RSRP1: variants seen among roughly 807,000 people sequenced by gnomAD.
RSRP1 encodes arginine and serine rich protein 1, also known as arginine/serine-rich protein 1.
A neutral mutation model predicts 33.0 loss-of-function variants in RSRP1; 37 were observed. The observed-to-expected ratio is 1.12, with a 90% CI of 0.86 to 1.48. RSRP1 has a LOEUF of 1.48. RSRP1 is among the 40% of genes most tolerant of loss of function. The pLI, the probability that RSRP1 is intolerant of heterozygous loss-of-function variation, is 0.00. For missense variants in RSRP1, 402 were observed against 385.3 expected, an observed-to-expected ratio of 1.04 and a Z score of -0.36; for synonymous variants, 167 against 158.7, an observed-to-expected ratio of 1.05 and a Z score of -0.40.
At chr1:25,276,137 G>A (rs1376850142) in intron 1 of RSRP1, among the ~76,000 whole-genome samples, 3 of 131,380 alleles carry the variant, frequency 2.3e-5, no homozygotes, top group African/African-American at 7.8e-5. Flanking sequence ...AATATCTTAC[G>A]ATATACAAGG....
chr1:25,317,814 C>T lies in RSRP1; in HGVS notation c.-67+20164G>A, dbSNP rs563005116. Among the ~76,000 whole-genome samples the T allele has an allele frequency of 4.9e-5, 4 of 82,224 alleles. No homozygotes were observed. In the East Asian group the frequency reaches 9.6e-4, roughly 20 times the overall value. 53.9% of individuals were successfully genotyped at this position (82,224 alleles called of 152,430 possible). A position where few individuals can be genotyped will look rare whatever the true frequency, so the allele number is the denominator to read the frequency against. On this transcript the variant is annotated intron_variant, in intron 1 of 1. Coordinates refer to the RSRP1 transcript ENST00000561867. The stretch of plus-strand genomic sequence containing the variant: ...CAGCATGCTTTGTGTGTTGAGGGAA[C>T]AGTAAGGAGACCAGTGTGGTTGGTG...
In RSRP1 at chr1:25,295,915, T is replaced by G. The variant is rs374799343; in HGVS notation, c.-67+42063A>C. Among the ~76,000 whole-genome samples, 302 of 114,748 alleles carry G rather than the reference T, an allele frequency of 2.6e-3. 26 individuals are homozygous for G. The highest frequency in any genetic ancestry group is 0.019 in the South Asian group (69 of 3,690). 75.3% of individuals were successfully genotyped at this position (114,748 alleles called of 152,430 possible). ...TTCGCTGTTGTCATCCAGGCTGGATTGCAATGTTGCAATCTTGGCTCACTG... is the reference window on the plus strand; with the variant it reads ...TTCGCTGTTGTCATCCAGGCTGGATGGCAATGTTGCAATCTTGGCTCACTG... On this transcript the variant is annotated intron_variant, in intron 1 of 1. Transcript: ENST00000561867.
chr1:25,246,935 G>A lies in RSRP1; in HGVS notation c.29C>T (p.Pro10Leu), dbSNP rs1639483971. 1.3e-6 allele frequency: 2 copies of A among 1,587,930 alleles called. No individual in the cohort carries two copies. The highest frequency in any genetic ancestry group is 2.7e-5 in the African/African-American group (2 of 73,808). Residue 10 changes from proline to leucine, a missense_variant, in exon 2 of 5, where the codon CCG becomes CTG. Transcript: ENST00000243189. ...CGAATCCTTCTCCTGCGGCGAGCCC[G>A]GCCACATGTCGTTCACGTAGTTGGA... Reference protein sequence around the residue: MSNYVNDMWPGSPQEKDSPS... With the variant: MSNYVNDMWLGSPQEKDSPS...
intron 1 of RSRP1, among the ~76,000 whole-genome samples, chr1:25,254,854 G>C (rs1205478670): frequency 6.6e-6 from 1 of 152,168 alleles, no homozygotes; most frequent in East Asian, 1.9e-4. Context: ...AAGTCATACA[G>C]GTGCAATTAC....
At chr1:25,260,488 C>T (rs1355539807) in intron 1 of RSRP1, among the ~76,000 whole-genome samples, 2 of 152,124 alleles carry the variant, frequency 1.3e-5, no homozygotes, top group African/African-American at 4.8e-5. Context: ...ACCCTCCAAA[C>T]ACAGGGGAAG....
rs1644726094 is a variant in RSRP1 at position 25,321,808 on chromosome 1, G to GAC, written c.-67+16168_-67+16169dup. 2 of 707,020 alleles carry GAC rather than the reference G, an allele frequency of 2.8e-6. 1 individual carries two copies. Among genetic ancestry groups the GAC allele is most frequent in the Admixed American group, 4.3e-5 (2 of 46,508 alleles). The allele number at this position is 707,020 out of a possible 1,614,324, so 43.8% of individuals were successfully genotyped here. A position where few individuals can be genotyped will look rare whatever the true frequency, so the allele number is the denominator to read the frequency against. ...ATTTCTGTTGAGATACTGTCGTTTT[G>GAC]ACACACAATATTTCGATTAATCTTG... is the stretch of plus-strand genomic sequence containing the variant. On this transcript the variant is annotated intron_variant, in intron 1 of 1. Coordinates refer to the RSRP1 transcript ENST00000561867.
At chr1:25,321,402 T>C (rs1644691993) in intron 1 of RSRP1, among the ~76,000 whole-genome samples, 1 of 121,800 alleles carries the variant, frequency 8.2e-6, no homozygotes, top group Admixed American at 8.2e-5. Flanking sequence ...GGCTCATGCC[T>C]GTAATACTAG....
At chr1:25,337,258 C>CT (rs1178159989) in intron 1 of RSRP1, 1 of 152,048 alleles carries the variant, frequency 6.6e-6, no homozygotes, top group Non-Finnish European at 1.5e-5. Flanking sequence ...GGACCGGCGG[C>CT]TGCAGGATCG....
intron 3 of RSRP1, 76 bp from the exon 4 acceptor site, chr1:25,243,709 A>G: frequency 6.4e-7 from 1 of 1,558,292 alleles, no homozygotes; most frequent in Non-Finnish European, 8.7e-7. Flanking sequence ...AAAATAGCCT[A>G]ATTGTAAACA....
intron 1 of RSRP1, among the ~76,000 whole-genome samples, chr1:25,285,134 A>ATTTTT (rs869147845): frequency 1.7e-4 from 21 of 120,772 alleles, no homozygotes; most frequent in African/African-American, 6.0e-4. Context: ...GAGACATTCT[A>ATTTTT]TTTTTTTTTT....
intron 1 of RSRP1, chr1:25,290,521 A>T: frequency 1.1e-6 from 1 of 928,144 alleles, no homozygotes. Flanking sequence ...TTCTATTCCC[A>T]CAGAAAGTAG....
intron 1 of RSRP1, among the ~76,000 whole-genome samples, chr1:25,255,789 G>T (rs1016235057): frequency 1.3e-5 from 2 of 152,166 alleles, no homozygotes; most frequent in Non-Finnish European, 2.9e-5. Context: ...CATAAGGAGT[G>T]GCAATCTAGA....
At chr1:25,337,888 G>A (rs1245301488) in intron 1 of RSRP1, 7 of 149,836 alleles carry the variant, frequency 4.7e-5, no homozygotes. Flanking sequence ...TCCCAGAGGT[G>A]GAGCTGCGGG....
chr1:25,264,466 C>G (rs1640260509), intron 1 of RSRP1, among the ~76,000 whole-genome samples: 1 of 148,002 alleles, frequency 6.8e-6, no homozygotes, highest in Non-Finnish European at 1.5e-5. Context: ...AGCCCAAGCT[C>G]TACCTTGCCT....
Position 25,243,585 on chromosome 1 carries a change from G to C in RSRP1, c.721C>G (p.Pro241Ala). ...EDGTRNPNEK[P>A]TQQRSIAFSS... The stretch of plus-strand genomic sequence containing the variant: ...AAAGCTATGCTTCTTTGCTGGGTAG[G>C]TTTTTCATTGGGATTTCGAGTTCCA... The change falls in exon 4 of 5, where the codon CCT becomes GCT. Residue 241 changes from proline to alanine, a missense_variant. Coordinates refer to ENST00000243189, the MANE Select transcript of RSRP1 (RefSeq NM_020317.5). 1 of 1,613,740 alleles carries C rather than the reference G, an allele frequency of 6.2e-7. No individual in the cohort carries two copies. Among genetic ancestry groups the C allele is most frequent in the Non-Finnish European group, 8.5e-7 (1 of 1,179,824 alleles).
intron 1 of RSRP1, chr1:25,306,468 G>A: frequency 2.2e-6 from 2 of 909,830 alleles, no homozygotes; most frequent in African/African-American, 1.6e-5. Context: ...TCTGAGAAGG[G>A]CTTCTTTGAG....
chr1:25,283,009 A>ATC lies in RSRP1; in HGVS notation c.-66-35982_-66-35981dup, dbSNP rs1030775589. Among the ~76,000 whole-genome samples, 5 of 132,922 alleles carry ATC rather than the reference A, an allele frequency of 3.8e-5. 1 individual carries two copies. In the South Asian group the frequency reaches 9.1e-4, roughly 24 times the overall value. 87.2% of individuals were successfully genotyped at this position (132,922 alleles called of 152,430 possible). ...AATGACGGAAAAAAAATTCTTCAAG[A>ATC]TCTCTCTCTCTCCAGTCATTTATTC... On this transcript the variant is annotated intron_variant, in intron 1 of 1. Coordinates refer to the RSRP1 transcript ENST00000561867.
intron 1 of RSRP1, among the ~76,000 whole-genome samples, chr1:25,261,531 AG>A: frequency 6.7e-6 from 1 of 149,832 alleles, no homozygotes; most frequent in Middle Eastern, 3.4e-3. Flanking sequence ...CAGTCTCCCG[AG>A]TAGCTGGGCC....
At position 25,305,467 on chromosome 1, in the gene RSRP1, G is replaced by C. The variant is rs1344265710; in HGVS notation, c.-67+32511C>G. On this transcript the variant is annotated intron_variant, in intron 1 of 1. Transcript: ENST00000561867. The stretch of plus-strand genomic sequence containing the variant: ...GCTGGAGTGCAGTGGTGCAATCTCA[G>C]CTCACTGCAACCTCCACCTCCTGGG... Among the ~76,000 whole-genome samples the C allele has an allele frequency of 3.2e-5, 2 of 62,122 alleles. 1 individual carries two copies. The highest frequency in any genetic ancestry group is 8.2e-5 in the Non-Finnish European group (2 of 24,428). 40.8% of individuals were successfully genotyped at this position (62,122 alleles called of 152,430 possible).
Sources: gnomAD v4.1 joint callset for allele counts (sites outside exome capture counted in the v4.1 genomes callset) on GRCh38, gnomAD v4.1.1 for gene constraint, MANE v1.5 for transcripts, NCBI Gene and HGNC (gene_info 2026-07-23, HGNC 2026-07-21) for gene names.